The following RFX2 variants were observed in gnomAD, a reference collection of about 807,000 sequenced individuals.
The protein encoded by RFX2 is DNA-binding protein RFX2.
Under a neutral mutation model 87.8 loss-of-function variants are expected in RFX2, and 20 were observed. That is an observed-to-expected ratio of 0.23 (90% CI 0.16 to 0.33). RFX2 has a LOEUF of 0.33. Ranked by LOEUF, RFX2 falls within the 10% of genes least tolerant of loss-of-function variation. The pLI is 1.00. For synonymous variants in RFX2, 397 were observed against 431.3 expected, an observed-to-expected ratio of 0.92 and a Z score of 0.98; for missense variants, 767 against 1,012.3, an observed-to-expected ratio of 0.76 and a Z score of 3.29.
chr19:6,002,107 G>C lies in RFX2; in HGVS notation c.1651-84C>G, dbSNP rs2086497538. 1 of 1,239,712 alleles carries C rather than the reference G, an allele frequency of 8.1e-7. No homozygotes were observed. The highest frequency in any genetic ancestry group is 1.1e-6 in the Non-Finnish European group (1 of 906,806). The allele number at this position is 1,239,712 out of a possible 1,614,324, so 76.8% of individuals were successfully genotyped here. ...CCTGGACCTAGCCATGCTCAGGGCG[G>C]GACATCGTGCTGTGCTTGAGCCTTC... On this transcript the variant is annotated intron_variant, in intron 14 of 17. Coordinates refer to ENST00000303657, the MANE Select transcript of RFX2 (RefSeq NM_000635.4). The surrounding 1 kb of genome is among the most constrained non-coding windows in gnomAD (Gnocchi z 6.7).
In RFX2 at chr19:6,007,681, G is replaced by A. The variant is rs758514559; in HGVS notation, c.1247+9C>T. The A allele has an allele frequency of 9.9e-6, 15 of 1,513,186 alleles. No homozygotes were observed. The highest frequency in any genetic ancestry group is 1.3e-5 in the Non-Finnish European group (14 of 1,111,788). The allele number at this position is 1,513,186 out of a possible 1,614,324, so 93.7% of individuals were successfully genotyped here. A position where few individuals can be genotyped will look rare whatever the true frequency, so the allele number is the denominator to read the frequency against. ...GTGGCTGTGAACCCAGCCAGGGTGT[G>A]GCAGTCACCTGGCAGGAAGAGAGGT... On this transcript the variant is annotated intron_variant, in intron 11 of 17. Coordinates refer to ENST00000303657, the MANE Select transcript of RFX2 (RefSeq NM_000635.4). This position sits in a 1 kb window ranked among gnomAD's most constrained non-coding sequence, Gnocchi z 8.2.
rs768930505 is a variant in RFX2, at chr19:6,017,632, G to A, written c.598-1361C>T. On this transcript the variant is annotated intron_variant, in intron 6 of 17. Transcript: ENST00000303657. This position sits in a 1 kb window ranked among gnomAD's most constrained non-coding sequence, Gnocchi z 4.1. Reference sequence around the variant, plus strand: ...TGTCTCTACCTGGTCCCCTTTGTGCGAGGCTGTCAGCTGCTTTGTCTAGGC... The same window carrying A: ...TGTCTCTACCTGGTCCCCTTTGTGCAAGGCTGTCAGCTGCTTTGTCTAGGC... Among the ~76,000 whole-genome samples, 6 of 151,940 alleles carry A rather than the reference G, an allele frequency of 3.9e-5. No individual in the cohort carries two copies. The highest frequency in any genetic ancestry group is 3.4e-3 in the Middle Eastern group (1 of 294).
chr19:6,053,061 G>A (rs962726116), intron 1 of RFX2, among the ~76,000 whole-genome samples: 1 of 151,788 alleles, frequency 6.6e-6, no homozygotes, highest in African/African-American at 2.4e-5. Flanking sequence ...TTAATAGAAA[G>A]AAGGAAAAAC....
chr19:5,999,067 C>A lies in RFX2; in HGVS notation c.1860-1854G>T, dbSNP rs2086457221. Among the ~76,000 whole-genome samples the A allele has an allele frequency of 2.0e-5, 3 of 152,098 alleles. No individual in the cohort carries two copies. Among genetic ancestry groups the A allele is most frequent in the Admixed American group, 2.0e-4 (3 of 15,264 alleles). On this transcript the variant is annotated intron_variant, in intron 15 of 17. Coordinates refer to ENST00000303657, the MANE Select transcript of RFX2 (RefSeq NM_000635.4). This position sits in a 1 kb window ranked among gnomAD's most constrained non-coding sequence, Gnocchi z 4.1. ...GGTCAGGAGTTTGAGAGCAGCCCGG[C>A]CAACATGGCAAAACCCCGTCTCTAC...
Position 6,001,689 on chromosome 19 carries a change from A to G in RFX2, c.1859+126T>C. The G allele has an allele frequency of 1.3e-6, 1 of 796,682 alleles. No homozygotes were observed. The highest frequency in any genetic ancestry group is 2.0e-5 in the South Asian group (1 of 50,502). 49.4% of individuals were successfully genotyped at this position (796,682 alleles called of 1,614,324 possible). ...AGGTAGTTGTTTTTTGCGGGTTCAG[A>G]CACTGCTGCAACTCTGCTGAGCCCT... On this transcript the variant is annotated intron_variant, in intron 15 of 17. Transcript: ENST00000303657. The surrounding 1 kb of genome is among the most constrained non-coding windows in gnomAD (Gnocchi z 5.6).
chr19:6,009,093 G>A (rs2086627165), intron 9 of RFX2, among the ~76,000 whole-genome samples: 1 of 152,156 alleles, frequency 6.6e-6, no homozygotes, highest in Non-Finnish European at 1.5e-5. Flanking sequence ...CCCAGGCCCT[G>A]GCACACAGCA....
chr19:6,088,807 T>C (rs891385392), intron 1 of RFX2, among the ~76,000 whole-genome samples: 2 of 152,112 alleles, frequency 1.3e-5, no homozygotes, highest in African/African-American at 4.8e-5. Flanking sequence ...TTTTGTAAAA[T>C]GTGGAATAGT....
rs890353381 is a variant in RFX2 at position 6,022,170 on chromosome 19, G to A, written c.597+3993C>T. ...AGGGGTTGTTGAGGGTGGAGGCCAC[G>A]CACTGAGCTAAGACACTAATCCGAG... On this transcript the variant is annotated intron_variant, in intron 6 of 17. Transcript: ENST00000303657. The surrounding 1 kb of genome is among the most constrained non-coding windows in gnomAD (Gnocchi z 6.2). 1.3e-5 allele frequency among the ~76,000 whole-genome samples: 2 copies of A among 152,086 alleles called. No individual in the cohort carries two copies. Among genetic ancestry groups the A allele is most frequent in the Non-Finnish European group, 2.9e-5 (2 of 68,014 alleles).
intron 1 of RFX2, among the ~76,000 whole-genome samples, chr19:6,049,578 C>T (rs1158229703): frequency 1.3e-5 from 2 of 152,176 alleles, no homozygotes; most frequent in Non-Finnish European, 2.9e-5. Flanking sequence ...CTTGCTCTGT[C>T]ACCCAGGCTG....
chr19:6,023,811 G>C lies in RFX2; in HGVS notation c.597+2352C>G, dbSNP rs146517552. Among the ~76,000 whole-genome samples, 2 of 150,680 alleles carry C rather than the reference G, an allele frequency of 1.3e-5. No individual in the cohort carries two copies. Among genetic ancestry groups the C allele is most frequent in the African/African-American group, 2.4e-5 (1 of 40,858 alleles). ...TTTTTTTTTTTTGAGATGGAGTCTC[G>C]CTCTGTCTCCCAGGCTGGAGTGCAG... On this transcript the variant is annotated intron_variant, in intron 6 of 17. Transcript: ENST00000303657. The surrounding 1 kb of genome is among the most constrained non-coding windows in gnomAD (Gnocchi z 4.9).
In RFX2 at chr19:6,013,793, T is replaced by G. The variant is rs539555656; in HGVS notation, c.780-688A>C. ...CTGGTTCAGCATTTCCTGAACTGTG[T>G]GAGGAATGTGATCAAGGAATTCTGT... On this transcript the variant is annotated intron_variant, in intron 7 of 17. Transcript: ENST00000303657. This position sits in a 1 kb window ranked among gnomAD's most constrained non-coding sequence, Gnocchi z 4.1. Among the ~76,000 whole-genome samples, 1 of 152,328 alleles carries G rather than the reference T, an allele frequency of 6.6e-6. No individual in the cohort carries two copies. The highest frequency in any genetic ancestry group is 2.4e-5 in the African/African-American group (1 of 41,586).
Position 6,004,573 on chromosome 19 carries a change from T to C in RFX2, c.1403-275A>G, listed in dbSNP as rs1453212838. Among the ~76,000 whole-genome samples the C allele has an allele frequency of 6.6e-6, 1 of 151,984 alleles. No individual in the cohort carries two copies. Among genetic ancestry groups the C allele is most frequent in the Non-Finnish European group, 1.5e-5 (1 of 67,980 alleles). On this transcript the variant is annotated intron_variant, in intron 12 of 17. Transcript: ENST00000303657. This position sits in a 1 kb window ranked among gnomAD's most constrained non-coding sequence, Gnocchi z 4.8. ...TGTCTGGGGACGTTAATGGTGGTCA[T>C]GACTGCAGGGTGCCTCAGGCATGGA...
rs2086423546 is a variant in RFX2, at chr19:5,997,100, G to A, written c.1973C>T (p.Ala658Val). ...GATCGGCGTCTCTCCGGTGGCCTCC[G>A]CGACGCGGTGCTCCACCAGGTAGAA... Reference protein sequence around the residue: ...YMFYLVEHRVAEATGETPIAV... With the variant: ...YMFYLVEHRVVEATGETPIAV... The change falls in exon 16 of 18, where the codon GCG becomes GTG. Residue 658 changes from alanine (A) to valine (V), a missense_variant. Transcript: ENST00000303657. This position sits in a 1 kb window ranked among gnomAD's most constrained non-coding sequence, Gnocchi z 4.2. 3 of 1,613,162 alleles carry A rather than the reference G, an allele frequency of 1.9e-6. No homozygotes were observed. The highest frequency in any genetic ancestry group is 2.5e-6 in the Non-Finnish European group (3 of 1,179,976).
At chr19:6,077,102 A>G (rs1373803413) in intron 1 of RFX2, 1 of 152,270 alleles carries the variant, frequency 6.6e-6, no homozygotes, top group African/African-American at 2.4e-5. Context: ...AGCAACTCAT[A>G]AATCGCATAA....
chr19:6,049,437 C>T (rs943390448), intron 1 of RFX2, among the ~76,000 whole-genome samples: 24 of 152,198 alleles, frequency 1.6e-4, no homozygotes, highest in African/African-American at 5.5e-4. Flanking sequence ...ATGGCGAGAC[C>T]GTGGTCTGTC....
In RFX2 at chr19:6,064,417, G is replaced by A. The variant is rs1226802356; in HGVS notation, c.-8-16913C>T. Among the ~76,000 whole-genome samples, 4 of 152,218 alleles carry A rather than the reference G, an allele frequency of 2.6e-5. No homozygotes were observed. The highest frequency in any genetic ancestry group is 2.0e-4 in the Admixed American group (3 of 15,282). Reference sequence around the variant, plus strand: ...TGGTCAAGATGAAGATGGGGAATGTGCCAGTGAAAACCTGGCATGCGGAGG... The same window carrying A: ...TGGTCAAGATGAAGATGGGGAATGTACCAGTGAAAACCTGGCATGCGGAGG... On this transcript the variant is annotated intron_variant, in intron 1 of 17. Transcript: ENST00000303657. The surrounding 1 kb of genome is among the most constrained non-coding windows in gnomAD (Gnocchi z 4.8).
At chr19:6,055,109 C>T (rs1451536535) in intron 1 of RFX2, among the ~76,000 whole-genome samples, 1 of 152,148 alleles carries the variant, frequency 6.6e-6, no homozygotes, top group Non-Finnish European at 1.5e-5. Flanking sequence ...AGTGGTCAGC[C>T]TCATTAGTCA....
intron 1 of RFX2, among the ~76,000 whole-genome samples, chr19:6,099,715 GCACAAATCACTAC>G (rs1280361769): frequency 1.3e-5 from 2 of 152,180 alleles, no homozygotes; most frequent in African/African-American, 2.4e-5. Context: ...GAAATGAGAC[GCACAAATCACTAC>G]CACCTGTCGA....
Position 6,027,856 on chromosome 19 carries a change from G to T in RFX2, c.523-1619C>A, listed in dbSNP as rs1158609865. Among the ~76,000 whole-genome samples the T allele has an allele frequency of 6.6e-6, 1 of 152,140 alleles. No homozygotes were observed. The highest frequency in any genetic ancestry group is 1.5e-5 in the Non-Finnish European group (1 of 68,026). On this transcript the variant is annotated intron_variant, in intron 5 of 17. Coordinates refer to ENST00000303657, the MANE Select transcript of RFX2 (RefSeq NM_000635.4). This position sits in a 1 kb window ranked among gnomAD's most constrained non-coding sequence, Gnocchi z 5.0. ...GCTCAGGGCCACCTCTGCCTCCTAG[G>T]CTCAAGTGATTCTCATGCCTCAGCC...
Sources: gnomAD v4.1 joint callset for allele counts (sites outside exome capture counted in the v4.1 genomes callset) on GRCh38, gnomAD v4.1.1 for gene constraint, Gnocchi (gnomAD v3.1) non-coding constraint, MANE v1.5 for transcripts, NCBI Gene and HGNC (gene_info 2026-07-23, HGNC 2026-07-21) for gene names.